Variants in ONECUT3 observed in about 807,000 individuals in gnomAD.
The protein encoded by ONECUT3 is one cut domain family member 3.
A neutral mutation model predicts 16.8 loss-of-function variants in ONECUT3; 11 were observed. That is an observed-to-expected ratio of 0.66 (90% CI 0.41 to 1.09). ONECUT3 has a LOEUF of 1.09. Among genes scored for constraint, ONECUT3 ranks in the 50% least tolerant of loss-of-function variants. ONECUT3 has a pLI of 0.00. For missense variants in ONECUT3, 637 were observed against 629.9 expected (o/e 1.01, Z -0.12); for synonymous variants, 344 against 310.7 (o/e 1.11, Z -1.13).
At position 1,766,984 on chromosome 19, in the gene ONECUT3, C is replaced by T. The variant is rs73515197; in HGVS notation, c.1193-8169C>T. On this transcript the variant is annotated intron_variant, in intron 1 of 1. Transcript: ENST00000382349. This position sits in a 1 kb window ranked among gnomAD's most constrained non-coding sequence, Gnocchi z 4.0. ...CCTGGGAGTCCCAGAGGAGGGGCCC[C>T]GGGCTCCGCTGCGGGGGGAGGGAGG... Among the ~76,000 whole-genome samples, 3,888 of 151,698 alleles carry T rather than the reference C, an allele frequency of 0.026. 157 individuals carry two copies. The highest frequency in any genetic ancestry group is 0.18 in the East Asian group (934 of 5,076).
chr19:1,780,182 C>G lies in ONECUT3; in HGVS notation c.*4737C>G, dbSNP rs1261574157. ...GCAGGCACCAGCACCCCCTCCCCCCCCACCTCCACCCAGACAGCCTCGGCC... is the reference window on the plus strand; with the variant it reads ...GCAGGCACCAGCACCCCCTCCCCCCGCACCTCCACCCAGACAGCCTCGGCC... On this transcript the variant is annotated 3_prime_UTR_variant, in exon 2 of 2. Transcript: ENST00000382349. 1 of 152,220 alleles carries G rather than the reference C, an allele frequency of 6.6e-6. No homozygotes were observed. The allele number at this position is 152,220 out of a possible 1,614,324, so 9.4% of individuals were successfully genotyped here.
At position 1,769,150 on chromosome 19, in the gene ONECUT3, G is replaced by A. The variant is rs188785769; in HGVS notation, c.1193-6003G>A. ...TGGAGATGGAGGTGGAGGTCGTGGCGGTGGAGGTGGTGAAGGAAGAGGTGC... is the reference window on the plus strand; with the variant it reads ...TGGAGATGGAGGTGGAGGTCGTGGCAGTGGAGGTGGTGAAGGAAGAGGTGC... On this transcript the variant is annotated intron_variant, in intron 1 of 1. Coordinates refer to ENST00000382349, the MANE Select transcript of ONECUT3 (RefSeq NM_001080488.2). Among the ~76,000 whole-genome samples, 46 of 150,992 alleles carry A rather than the reference G, an allele frequency of 3.0e-4. 1 individual carries two copies. The highest frequency in any genetic ancestry group is 9.2e-4 in the African/African-American group (38 of 41,138).
rs547502959 is a variant in ONECUT3, at chr19:1,761,396, C to T, written c.1192+6542C>T. Reference sequence around the variant, plus strand: ...CCGTCTCCCCCACATCCTAAGGGAGCTTTGCATGGCCACTTTGGGTTGGCA... The same window carrying T: ...CCGTCTCCCCCACATCCTAAGGGAGTTTTGCATGGCCACTTTGGGTTGGCA... On this transcript the variant is annotated intron_variant, in intron 1 of 1. Transcript: ENST00000382349. Among the ~76,000 whole-genome samples the T allele has an allele frequency of 3.3e-5, 5 of 152,328 alleles. No homozygotes were observed. The South Asian group carries it at 1.0e-3, about 32-fold the overall frequency.
In ONECUT3 at chr19:1,759,576, T is replaced by C. The variant is rs1244752346; in HGVS notation, c.1192+4722T>C. On this transcript the variant is annotated intron_variant, in intron 1 of 1. Coordinates refer to ENST00000382349, the MANE Select transcript of ONECUT3 (RefSeq NM_001080488.2). The surrounding 1 kb of genome is among the most constrained non-coding windows in gnomAD (Gnocchi z 4.1). Reference sequence around the variant, plus strand: ...CTTTTGCAAAAACCCCACTTTCCACTGCAAGGGGTCCACGCCTCTTACGGA... The same window carrying C: ...CTTTTGCAAAAACCCCACTTTCCACCGCAAGGGGTCCACGCCTCTTACGGA... 2.0e-5 allele frequency among the ~76,000 whole-genome samples: 3 copies of C among 152,074 alleles called. No individual in the cohort carries two copies. The highest frequency in any genetic ancestry group is 7.2e-5 in the African/African-American group (3 of 41,404).
rs1265882593 is a variant in ONECUT3, at chr19:1,755,805, C to G, written c.1192+951C>G. The stretch of plus-strand genomic sequence containing the variant: ...CCCCCTGGGGACCCTCCTCCCTCCT[C>G]CCTCCCAGCTGACAACAGCTAAGTC... On this transcript the variant is annotated intron_variant, in intron 1 of 1. Coordinates refer to ENST00000382349, the MANE Select transcript of ONECUT3 (RefSeq NM_001080488.2). This position sits in a 1 kb window ranked among gnomAD's most constrained non-coding sequence, Gnocchi z 7.5. Among the ~76,000 whole-genome samples the G allele has an allele frequency of 6.6e-6, 1 of 152,212 alleles. No individual in the cohort carries two copies. The highest frequency in any genetic ancestry group is 1.5e-5 in the Non-Finnish European group (1 of 68,032).
At position 1,755,063 on chromosome 19, in the gene ONECUT3, G is replaced by C. The variant is rs1363373066; in HGVS notation, c.1192+209G>C. On this transcript the variant is annotated intron_variant, in intron 1 of 1. Transcript: ENST00000382349. The surrounding 1 kb of genome is among the most constrained non-coding windows in gnomAD (Gnocchi z 7.5). Reference sequence around the variant, plus strand: ...CCAAAAGGGAGAAAGGGATTGTGCCGCCTCCCCGCCCCCCGGTCGCCGCTT... The same window carrying C: ...CCAAAAGGGAGAAAGGGATTGTGCCCCCTCCCCGCCCCCCGGTCGCCGCTT... 6.6e-6 allele frequency among the ~76,000 whole-genome samples: 1 copy of C among 152,084 alleles called. No homozygotes were observed. The highest frequency in any genetic ancestry group is 1.5e-5 in the Non-Finnish European group (1 of 67,998).
intron 1 of ONECUT3, among the ~76,000 whole-genome samples, chr19:1,769,253 G>A (rs928934138): frequency 6.6e-6 from 1 of 151,802 alleles, no homozygotes; most frequent in Non-Finnish European, 1.5e-5. Context: ...GGAGGTGGTG[G>A]AGGAGGAGGA....
chr19:1,756,091 CCCAGGCAGCCCGT>C (rs1357396771), intron 1 of ONECUT3, among the ~76,000 whole-genome samples: 3 of 151,808 alleles, frequency 2.0e-5, no homozygotes, highest in Admixed American at 2.0e-4. Context: ...CGGCTGTGCC[CCCAGGCAGCCCGT>C]CCAGGCAGGG....
rs1390996773 is a variant in ONECUT3 at position 1,780,840 on chromosome 19, G to C, written c.*5395G>C. ...GCCAGGAGGCCCTGCGGCCTTGAGTGTTTTGAATAGACTGGAACTGAGGGC... is the reference window on the plus strand; with the variant it reads ...GCCAGGAGGCCCTGCGGCCTTGAGTCTTTTGAATAGACTGGAACTGAGGGC... On this transcript the variant is annotated 3_prime_UTR_variant, in exon 2 of 2. Coordinates refer to ENST00000382349, the MANE Select transcript of ONECUT3 (RefSeq NM_001080488.2). The C allele has an allele frequency of 6.6e-6, 1 of 152,142 alleles. No individual in the cohort carries two copies. Among genetic ancestry groups the C allele is most frequent in the Non-Finnish European group, 1.5e-5 (1 of 68,070 alleles). 9.4% of individuals were successfully genotyped at this position (152,142 alleles called of 1,614,324 possible).
Position 1,766,206 on chromosome 19 carries a change from T to G in ONECUT3, c.1193-8947T>G, listed in dbSNP as rs2067987414. On this transcript the variant is annotated intron_variant, in intron 1 of 1. Coordinates refer to ENST00000382349, the MANE Select transcript of ONECUT3 (RefSeq NM_001080488.2). The surrounding 1 kb of genome is among the most constrained non-coding windows in gnomAD (Gnocchi z 4.0). ...CACCCACCCACCCACAGCACCTCGC[T>G]CAGACTTCGCCCTCCACCCCGCCGG... Among the ~76,000 whole-genome samples, 1 of 150,834 alleles carries G rather than the reference T, an allele frequency of 6.6e-6. No homozygotes were observed. Among genetic ancestry groups the G allele is most frequent in the South Asian group, 2.1e-4 (1 of 4,744 alleles).
At chr19:1,760,883 CT>C (rs1304253408) in intron 1 of ONECUT3, among the ~76,000 whole-genome samples, 1 of 152,126 alleles carries the variant, frequency 6.6e-6, no homozygotes, top group East Asian at 1.9e-4. Flanking sequence ...CTGAAGTCCT[CT>C]TAGCCTGAAG....
rs1328638608 is a variant in ONECUT3 at position 1,775,117 on chromosome 19, G to A, written c.1193-36G>A. 3 of 1,199,326 alleles carry A rather than the reference G, an allele frequency of 2.5e-6. No individual in the cohort carries two copies. The South Asian group carries it at 4.6e-5, about 18-fold the overall frequency. The allele number at this position is 1,199,326 out of a possible 1,614,324, so 74.3% of individuals were successfully genotyped here. On this transcript the variant is annotated intron_variant, in intron 1 of 1. Transcript: ENST00000382349. ...CCGGCCGGCCACACGGTGGCGCTGT[G>A]TCCCGCTCGCCCGCCCGCCCGCCGC... is the stretch of plus-strand genomic sequence containing the variant.
chr19:1,763,365 T>C (rs1410289283), intron 1 of ONECUT3, among the ~76,000 whole-genome samples: 1 of 3,198 alleles, frequency 3.1e-4, no homozygotes, highest in African/African-American at 4.7e-4. Context: ...AGACTCCATC[T>C]CAAAAAAAAA....
At position 1,758,315 on chromosome 19, in the gene ONECUT3, AAG is replaced by A. The variant is rs1301162596; in HGVS notation, c.1192+3481_1192+3482del. ...GCAGAGAGACCAAAAAAAAAAAAAA[AAG>A]AGAGAGAGAGAGAGAGAGACAGAGA... On this transcript the variant is annotated intron_variant, in intron 1 of 1. Coordinates refer to ENST00000382349, the MANE Select transcript of ONECUT3 (RefSeq NM_001080488.2). The surrounding 1 kb of genome is among the most constrained non-coding windows in gnomAD (Gnocchi z 5.9). 0.05 allele frequency among the ~76,000 whole-genome samples: 3,839 copies of A among 76,924 alleles called. 113 individuals carry two copies. Among genetic ancestry groups the A allele is most frequent in the Middle Eastern group, 0.076 (11 of 144 alleles). The allele number at this position is 76,924 out of a possible 152,430, so 50.5% of individuals were successfully genotyped here.
intron 1 of ONECUT3, 44 bp from the exon 2 acceptor site, chr19:1,775,109 G>GGC: frequency 7.6e-7 from 1 of 1,319,774 alleles, no homozygotes; most frequent in Non-Finnish European, 1.0e-6. Flanking sequence ...GCCACACGGT[G>GGC]GCGCTGTGTC....
At chr19:1,770,420 C>T (rs2068043453) in intron 1 of ONECUT3, among the ~76,000 whole-genome samples, 1 of 152,084 alleles carries the variant, frequency 6.6e-6, no homozygotes, top group Non-Finnish European at 1.5e-5. Flanking sequence ...CTGGGCGACA[C>T]AGCAAGACCC....
Position 1,775,682 on chromosome 19 carries a change from C to G in ONECUT3, c.*237C>G. 1 of 187,602 alleles carries G rather than the reference C, an allele frequency of 5.3e-6. No individual in the cohort carries two copies. The highest frequency in any genetic ancestry group is 9.5e-6 in the Non-Finnish European group (1 of 105,070). 11.6% of individuals were successfully genotyped at this position (187,602 alleles called of 1,614,324 possible). A position where few individuals can be genotyped will look rare whatever the true frequency, so the allele number is the denominator to read the frequency against. ...CCTCCAGGCCAAAGGAAGCCCTCCA[C>G]CCCCCCCCGGAGGGGAGGGAGTGAC... On this transcript the variant is annotated 3_prime_UTR_variant, in exon 2 of 2. Coordinates refer to ENST00000382349, the MANE Select transcript of ONECUT3 (RefSeq NM_001080488.2).
intron 1 of ONECUT3, among the ~76,000 whole-genome samples, chr19:1,770,494 G>A (rs891510388): frequency 1.3e-5 from 2 of 152,186 alleles, no homozygotes; most frequent in Admixed American, 1.3e-4. Context: ...TAAAGCTCTT[G>A]ACACAAAGCT....
chr19:1,754,565 A>C lies in ONECUT3; in HGVS notation c.903A>C (p.Gly301=). The change falls in exon 1 of 2, where the codon GGA becomes GGC. Residue 301 remains glycine (G), a synonymous_variant. Transcript: ENST00000382349. The surrounding 1 kb of genome is among the most constrained non-coding windows in gnomAD (Gnocchi z 7.4). ...CCGGGGCGCACGGGCCGCACGGGGGAGGCGGCGGCCCCGGCGGGAGCGGCG... is the reference window on the plus strand; with the variant it reads ...CCGGGGCGCACGGGCCGCACGGGGGCGGCGGCGGCCCCGGCGGGAGCGGCG... ...AAAGAHGPHG[G]GGGPGGSGGG... is the part of the protein sequence containing the mutation. The C allele has an allele frequency of 9.2e-7, 1 of 1,091,428 alleles. No individual in the cohort carries two copies. The highest frequency in any genetic ancestry group is 1.1e-6 in the Non-Finnish European group (1 of 897,946). The allele number at this position is 1,091,428 out of a possible 1,614,324, so 67.6% of individuals were successfully genotyped here.
Sources: gnomAD v4.1 joint callset for allele counts (sites outside exome capture counted in the v4.1 genomes callset) on GRCh38, gnomAD v4.1.1 for gene constraint, Gnocchi (gnomAD v3.1) non-coding constraint, MANE v1.5 for transcripts, NCBI Gene and HGNC (gene_info 2026-07-23, HGNC 2026-07-21) for gene names.